Variants in ARPP21 observed in about 807,000 individuals in gnomAD.
ARPP21 encodes cAMP-regulated phosphoprotein 21.
In ARPP21, 69 loss-of-function variants were observed where a neutral mutation model predicts 113.2. The observed-to-expected ratio is 0.61, with a 90% CI of 0.50 to 0.74. The LOEUF (loss-of-function observed/expected upper bound fraction) is 0.74. Among genes scored for constraint, ARPP21 ranks in the 30% least tolerant of loss-of-function variants. The pLI, the probability that ARPP21 is intolerant of heterozygous loss-of-function variation, is 0.00. For synonymous variants in ARPP21, 368 were observed against 375.5 expected (o/e 0.98, Z 0.23); for missense variants, 1,070 against 1,037.4 (o/e 1.03, Z -0.43).
At chr3:35,720,212 C>T (rs1032324068) in intron 13 of ARPP21, among the ~76,000 whole-genome samples, 8 of 152,170 alleles carry the variant, frequency 5.3e-5, no homozygotes, top group Admixed American at 3.3e-4. Context: ...CACTCGAAAG[C>T]GCTTTTTGTT....
rs748451781 is a variant in ARPP21, at chr3:35,739,403, C to G, written c.1836C>G (p.Val612=). 1 of 1,614,162 alleles carries G rather than the reference C, an allele frequency of 6.2e-7. No individual in the cohort carries two copies. Among genetic ancestry groups the G allele is most frequent in the Admixed American group, 1.7e-5 (1 of 60,030 alleles). ...GETPEPPSGP[V]YPSSLMPQPA... is the part of the protein sequence containing the mutation. ...CTCCTGAACCCCCATCAGGTCCTGT[C>G]TACCCATCCTCCCTTATGCCACAGC... Residue 612 remains valine (V), a synonymous_variant, in exon 18 of 21, where the codon GTC becomes GTG. Transcript: ENST00000684406.
intron 17 of ARPP21, among the ~76,000 whole-genome samples, chr3:35,738,666 G>C (rs1203694502): frequency 6.6e-6 from 1 of 152,120 alleles, no homozygotes; most frequent in Non-Finnish European, 1.5e-5. Context: ...GTGTTGGGAT[G>C]GGAACCATTA....
rs564400462 is a variant in ARPP21, at chr3:35,753,451, C to T, written c.2137+9486C>T. ...TTTCAACAAATTTAAAATAAGAATA[C>T]TTCCATGAAAGCTCATTTCAGTTGT... On this transcript the variant is annotated intron_variant, in intron 19 of 20. Coordinates refer to ENST00000684406, the MANE Select transcript of ARPP21 (RefSeq NM_001385562.1). Among the ~76,000 whole-genome samples the T allele has an allele frequency of 2.6e-5, 4 of 152,052 alleles. No homozygotes were observed. The East Asian group carries it at 7.8e-4, about 29-fold the overall frequency.
At chr3:35,698,281 G>A (rs2084853239) in intron 9 of ARPP21, among the ~76,000 whole-genome samples, 1 of 151,582 alleles carries the variant, frequency 6.6e-6, no homozygotes, top group Admixed American at 6.6e-5. Flanking sequence ...TTCTGTAGAT[G>A]AGATAGGTAA....
chr3:35,672,466 C>A (rs1325835175), intron 1 of ARPP21, among the ~76,000 whole-genome samples: 1 of 152,004 alleles, frequency 6.6e-6, no homozygotes, highest in African/African-American at 2.4e-5. Flanking sequence ...TAGGTCTTTG[C>A]ATGATTAGAT....
At chr3:35,714,386 G>A (rs1433971530) in intron 11 of ARPP21, among the ~76,000 whole-genome samples, 1 of 152,142 alleles carries the variant, frequency 6.6e-6, no homozygotes, top group Non-Finnish European at 1.5e-5. Flanking sequence ...GGTTACATTA[G>A]CAGGATCTTT....
intron 18 of ARPP21, among the ~76,000 whole-genome samples, chr3:35,740,955 A>C (rs2094619638): frequency 6.6e-6 from 1 of 151,796 alleles, no homozygotes; most frequent in African/African-American, 2.4e-5. Context: ...AAAAAAAAAT[A>C]GCTGGGTGTG....
At position 35,683,721 on chromosome 3, in the gene ARPP21, C is replaced by G; in HGVS notation, c.172-5C>G. 1 of 1,104,052 alleles carries G rather than the reference C, an allele frequency of 9.1e-7. No individual in the cohort carries two copies. Among genetic ancestry groups the G allele is most frequent in the Non-Finnish European group, 1.4e-6 (1 of 718,680 alleles). 68.4% of individuals were successfully genotyped at this position (1,104,052 alleles called of 1,614,324 possible). A position where few individuals can be genotyped will look rare whatever the true frequency, so the allele number is the denominator to read the frequency against. ...TTTCCTTCCCTTTTCTTTCCCCCCT[C>G]CTAGTCAGGAGCAGGAAAAGGTAAA... On this transcript the variant is annotated splice_region_variant and splice_polypyrimidine_tract_variant and intron_variant, in intron 4 of 20. Transcript: ENST00000684406.
At chr3:35,690,219 G>A in intron 8 of ARPP21, 79 bp downstream of exon 8, 1 of 773,054 alleles carries the variant, frequency 1.3e-6, no homozygotes, top group Non-Finnish European at 2.4e-6. Context: ...ATTCTGGAAA[G>A]ACTTAGGGAT....
intron 19 of ARPP21, among the ~76,000 whole-genome samples, chr3:35,763,272 T>G (rs1434940225): frequency 1.3e-5 from 2 of 152,142 alleles, no homozygotes; most frequent in African/African-American, 2.4e-5. Flanking sequence ...TCTGCCTCTC[T>G]TGGGTATCTC....
chr3:35,668,121 T>G (rs1559551312), intron 1 of ARPP21, among the ~76,000 whole-genome samples: 1 of 152,118 alleles, frequency 6.6e-6, no homozygotes, highest in Non-Finnish European at 1.5e-5. Flanking sequence ...CCTCAGAAAT[T>G]TCTTGCTACT....
Position 35,793,792 on chromosome 3 carries a change from C to G in ARPP21, c.2378C>G (p.Pro793Arg). 6.2e-7 allele frequency: 1 copy of G among 1,614,152 alleles called. No homozygotes were observed. Among genetic ancestry groups the G allele is most frequent in the Non-Finnish European group, 8.5e-7 (1 of 1,180,016 alleles). ...AACCAGGCAGGTCAAGGGTCACTCC[C>G]AGCCACTGGAATGCCTGTTTACTGT... ...LPNQAGQGSL[P>R]ATGMPVYCNV... Residue 793 changes from proline to arginine, a missense_variant, in exon 21 of 21, where the codon CCA (proline) becomes CGA (arginine). Transcript: ENST00000684406.
intron 13 of ARPP21, among the ~76,000 whole-genome samples, chr3:35,720,771 C>G (rs1291478772): frequency 6.6e-6 from 1 of 152,200 alleles, no homozygotes; most frequent in East Asian, 1.9e-4. Context: ...AGATACTCTA[C>G]AGTCTTCAAA....
intron 9 of ARPP21, among the ~76,000 whole-genome samples, chr3:35,706,372 G>A (rs562704414): frequency 1.6e-4 from 24 of 152,294 alleles, no homozygotes; most frequent in Admixed American, 4.6e-4. Context: ...CCATTAAGTT[G>A]TTTAAACTAA....
chr3:35,725,722 T>C (rs369671739), intron 14 of ARPP21, among the ~76,000 whole-genome samples: 7 of 152,348 alleles, frequency 4.6e-5, no homozygotes, highest in Middle Eastern at 3.4e-3. Flanking sequence ...TCCCATTTTC[T>C]TTTTTCTGCT....
Position 35,705,191 on chromosome 3 carries a change from GA to G in ARPP21, c.687-1774del, listed in dbSNP as rs551524035. Reference sequence around the variant, plus strand: ...CAGCATCCTAATTTCACTTGCTATGGAAAAAAAAATGTGTAACAACATATAA... The same window carrying G: ...CAGCATCCTAATTTCACTTGCTATGGAAAAAAAATGTGTAACAACATATAA... On this transcript the variant is annotated intron_variant, in intron 9 of 20. Coordinates refer to ENST00000684406, the MANE Select transcript of ARPP21 (RefSeq NM_001385562.1). Among the ~76,000 whole-genome samples the G allele has an allele frequency of 5.3e-3, 791 of 150,164 alleles. 1 individual carries two copies. Among genetic ancestry groups the G allele is most frequent in the Admixed American group, 0.012 (180 of 15,096 alleles).
chr3:35,646,110 GA>G (rs1700124357), intron 1 of ARPP21, among the ~76,000 whole-genome samples: 1 of 151,934 alleles, frequency 6.6e-6, no homozygotes, highest in Non-Finnish European at 1.5e-5. Flanking sequence ...CATAGACCTA[GA>G]AAAATCGAGC....
intron 19 of ARPP21, among the ~76,000 whole-genome samples, chr3:35,790,841 A>G (rs1406360979): frequency 6.6e-6 from 1 of 152,224 alleles, no homozygotes; most frequent in African/African-American, 2.4e-5. Context: ...GTAAATTGAA[A>G]CCACTATGAA....
At chr3:35,791,767 C>T (rs1383754385) in intron 19 of ARPP21, among the ~76,000 whole-genome samples, 2 of 152,096 alleles carry the variant, frequency 1.3e-5, no homozygotes, top group Admixed American at 6.6e-5. Flanking sequence ...CTCTCAGAAG[C>T]TAGTGGTGAA....
Sources: gnomAD v4.1 joint callset for allele counts (sites outside exome capture counted in the v4.1 genomes callset) on GRCh38, gnomAD v4.1.1 for gene constraint, MANE v1.5 for transcripts, NCBI Gene and HGNC (gene_info 2026-07-23, HGNC 2026-07-21) for gene names.